Variants in ZNF282 observed in about 807,000 individuals in gnomAD.
ZNF282 encodes zinc finger protein 282.
ZNF282 carries 30 observed loss-of-function variants against 61.9 expected under a neutral mutation model. The ratio of observed to expected loss-of-function variants is 0.48; its 90% CI spans 0.36 to 0.66. ZNF282 has a LOEUF of 0.66. Ranked by LOEUF, ZNF282 falls within the 30% of genes least tolerant of loss-of-function variation. The pLI, the probability that ZNF282 is intolerant of heterozygous loss-of-function variation, is 0.00. For synonymous variants in ZNF282, 396 were observed against 405.0 expected (o/e 0.98, Z 0.27); for missense variants, 788 against 941.4 (o/e 0.84, Z 2.13).
intron 6 of ZNF282, 67 bp downstream of exon 6, chr7:149,212,538 T>C (rs1243195053): frequency 1.6e-6 from 2 of 1,263,244 alleles, no homozygotes; most frequent in African/African-American, 3.0e-5. Flanking sequence ...ATTAAATTAA[T>C]AATTTATTGT....
At chr7:149,211,182 C>T (rs1353781596) in intron 5 of ZNF282, among the ~76,000 whole-genome samples, 2 of 152,250 alleles carry the variant, frequency 1.3e-5, no homozygotes, top group Non-Finnish European at 2.9e-5. Context: ...GGCATTGCAG[C>T]TGGACTCTGT....
intron 7 of ZNF282, among the ~76,000 whole-genome samples, chr7:149,218,680 C>T (rs1796194561): frequency 6.6e-6 from 1 of 152,176 alleles, no homozygotes; most frequent in Non-Finnish European, 1.5e-5. Flanking sequence ...CAGGACCGTT[C>T]TCTCTTCAGA....
intron 4 of ZNF282, among the ~76,000 whole-genome samples, chr7:149,208,989 C>G (rs1289637987): frequency 8.8e-6 from 1 of 113,992 alleles, no homozygotes; most frequent in African/African-American, 3.2e-5. Flanking sequence ...TCACCGCACT[C>G]CAGCCTGGGC....
chr7:149,206,764 G>A lies in ZNF282; in HGVS notation c.654G>A (p.Trp218Ter). Residue 218 changes from tryptophan to a stop codon, truncating the protein, a stop_gained, in exon 3 of 8, where the codon TGG becomes TGA. Transcript: ENST00000610704. LOFTEE classifies it high-confidence loss of function. ...SEDEWKNLDE[W>*]QKELYNNLVK... ...ACGAGTGGAAGAACTTGGACGAATGGCAGAAGGAGCTTTATAACAACCTTG... is the reference window on the plus strand; with the variant it reads ...ACGAGTGGAAGAACTTGGACGAATGACAGAAGGAGCTTTATAACAACCTTG... 1 of 1,614,200 alleles carries A rather than the reference G, an allele frequency of 6.2e-7. No homozygotes were observed. The highest frequency in any genetic ancestry group is 8.5e-7 in the Non-Finnish European group (1 of 1,180,040).
At chr7:149,214,524 T>C (rs1796133859) in intron 7 of ZNF282, among the ~76,000 whole-genome samples, 1 of 151,980 alleles carries the variant, frequency 6.6e-6, no homozygotes, top group East Asian at 1.9e-4. Context: ...AGCAGGTGGC[T>C]CACATGCTGG....
intron 2 of ZNF282, among the ~76,000 whole-genome samples, chr7:149,202,687 G>C (rs1463053487): frequency 1.3e-5 from 2 of 151,698 alleles, no homozygotes; most frequent in African/African-American, 4.8e-5. Flanking sequence ...CTGACCTCAA[G>C]TGATCCATCC....
At chr7:149,204,406 T>C (rs1394215016) in intron 2 of ZNF282, among the ~76,000 whole-genome samples, 2 of 152,078 alleles carry the variant, frequency 1.3e-5, no homozygotes, top group African/African-American at 4.8e-5. Context: ...TCTCTTGGGA[T>C]GTTCCCAGTG....
At chr7:149,201,480 C>T (rs554835338) in intron 2 of ZNF282, among the ~76,000 whole-genome samples, 9 of 152,080 alleles carry the variant, frequency 5.9e-5, no homozygotes, top group Non-Finnish European at 8.8e-5. Flanking sequence ...TGGCTGGGCA[C>T]GGTGGCTCAC....
intron 2 of ZNF282, among the ~76,000 whole-genome samples, chr7:149,201,481 G>A (rs527720116): frequency 4.6e-5 from 7 of 152,190 alleles, no homozygotes; most frequent in East Asian, 1.9e-4. Flanking sequence ...GGCTGGGCAC[G>A]GTGGCTCACG....
intron 2 of ZNF282, among the ~76,000 whole-genome samples, chr7:149,201,805 A>G (rs972454150): frequency 6.6e-6 from 1 of 152,100 alleles, no homozygotes; most frequent in African/African-American, 2.4e-5. Context: ...TTAGAATAAA[A>G]GCCCATGTCT....
rs375032883 is a variant in ZNF282 at position 149,212,468 on chromosome 7, T to C, written c.1063T>C (p.Ser355Pro). Residue 355 changes from serine (S) to proline (P), a missense_variant, in exon 6 of 8, where the codon TCA becomes CCA. This residue lies in a region of ZNF282 where 559 missense variants were observed against 642.0 expected (regional missense o/e 0.87). Transcript: ENST00000610704. The stretch of plus-strand genomic sequence containing the variant: ...CAGAGATATTCCCACGGATCCCAAT[T>C]CAGGTGAGAACAAGGTCAGAATGAA... ...ADRDIPTDPN[S>P]ESLISAHDIL... The C allele has an allele frequency of 6.2e-7, 1 of 1,609,272 alleles. No homozygotes were observed. The highest frequency in any genetic ancestry group is 8.5e-7 in the Non-Finnish European group (1 of 1,177,130).
rs150375355 is a variant in ZNF282 at position 149,204,992 on chromosome 7, G to A, written c.586-1704G>A. Among the ~76,000 whole-genome samples the A allele has an allele frequency of 3.6e-3, 545 of 152,294 alleles. 3 individuals carry two copies. The highest frequency in any genetic ancestry group is 5.6e-3 in the Non-Finnish European group (380 of 68,036). On this transcript the variant is annotated intron_variant, in intron 2 of 7. Coordinates refer to ENST00000610704, the MANE Select transcript of ZNF282 (RefSeq NM_003575.4). ...ACAACAAAAAAATTAGCCAGGCGTG[G>A]TGGCACACACCTATAGTCCCAGCTA...
At chr7:149,207,039 C>T (rs192206721) in intron 3 of ZNF282, among the ~76,000 whole-genome samples, 8 of 152,160 alleles carry the variant, frequency 5.3e-5, no homozygotes, top group Admixed American at 2.0e-4. Flanking sequence ...TAGAACTCAA[C>T]GTTACACCAC....
At chr7:149,220,382 A>G (rs1796224816) in intron 7 of ZNF282, among the ~76,000 whole-genome samples, 2 of 152,202 alleles carry the variant, frequency 1.3e-5, no homozygotes, top group African/African-American at 4.8e-5. Context: ...ACTGCACTCC[A>G]GCCTGCGCAA....
At position 149,223,912 on chromosome 7, in the gene ZNF282, C is replaced by T; in HGVS notation, c.1281C>T (p.Pro427=). ...PQPQLQSQPQ[P]QSLPPIAVAE... The stretch of plus-strand genomic sequence containing the variant: ...CGCAGCTGCAGTCGCAGCCCCAGCC[C>T]CAGAGCCTGCCCCCCATCGCGGTGG... Residue 427 remains proline (P), a synonymous_variant, in exon 8 of 8, where the codon CCC becomes CCT. Transcript: ENST00000610704. 1.5e-6 allele frequency: 2 copies of T among 1,371,930 alleles called. No individual in the cohort carries two copies. Among genetic ancestry groups the T allele is most frequent in the Non-Finnish European group, 1.9e-6 (2 of 1,066,274 alleles). The allele number at this position is 1,371,930 out of a possible 1,614,324, so 85.0% of individuals were successfully genotyped here. A position where few individuals can be genotyped will look rare whatever the true frequency, so the allele number is the denominator to read the frequency against.
At position 149,224,184 on chromosome 7, in the gene ZNF282, A is replaced by G. The variant is rs1169389324; in HGVS notation, c.1553A>G (p.Tyr518Cys). ...LLLHGARSKP[Y>C]SCPECGKSFG... ...CTGCACGGCGCCCGCAGCAAGCCCTACTCGTGCCCCGAGTGCGGCAAGAGC... is the reference window on the plus strand; with the variant it reads ...CTGCACGGCGCCCGCAGCAAGCCCTGCTCGTGCCCCGAGTGCGGCAAGAGC... Residue 518 changes from tyrosine to cysteine, a missense_variant, in exon 8 of 8, where the codon TAC becomes TGC. Around this residue, in one of 3 missense-constraint regions of ZNF282, gnomAD observed 559 missense variants for 642.0 expected, o/e 0.87. Transcript: ENST00000610704. 1.2e-6 allele frequency: 2 copies of G among 1,602,494 alleles called. No individual in the cohort carries two copies. The highest frequency in any genetic ancestry group is 1.7e-6 in the Non-Finnish European group (2 of 1,178,972).
chr7:149,221,619 C>G (rs1251299945), intron 7 of ZNF282, among the ~76,000 whole-genome samples: 1 of 152,116 alleles, frequency 6.6e-6, no homozygotes, highest in Non-Finnish European at 1.5e-5. Flanking sequence ...CAGCGATCTC[C>G]CGGGATTCTC....
Position 149,223,990 on chromosome 7 carries a change from G to C in ZNF282, c.1359G>C (p.Gln453His), listed in dbSNP as rs1796310081. 8 of 1,263,942 alleles carry C rather than the reference G, an allele frequency of 6.3e-6. No homozygotes were observed. The highest frequency in any genetic ancestry group is 1.6e-5 in the African/African-American group (1 of 64,000). The allele number at this position is 1,263,942 out of a possible 1,614,324, so 78.3% of individuals were successfully genotyped here. The change falls in exon 8 of 8, where the codon CAG (glutamine) becomes CAC (histidine). Residue 453 changes from glutamine to histidine, a missense_variant. Coordinates refer to ENST00000610704, the MANE Select transcript of ZNF282 (RefSeq NM_003575.4). Reference sequence around the variant, plus strand: ...GAGGGCTGCTGGACGACGGTTTCCAGGTGCTGCCCGGGGAGCGTGGCTCCG... The same window carrying C: ...GAGGGCTGCTGGACGACGGTTTCCACGTGCTGCCCGGGGAGCGTGGCTCCG... ...PSRGLLDDGF[Q>H]VLPGERGSGE... is the part of the protein sequence containing the mutation.
chr7:149,203,052 G>C (rs189939659), intron 2 of ZNF282, among the ~76,000 whole-genome samples: 2 of 152,156 alleles, frequency 1.3e-5, no homozygotes, highest in African/African-American at 4.8e-5. Context: ...AGTTGTAATC[G>C]TGGCTCTGGT....
Sources: allele counts gnomAD v4.1 joint callset (sites outside exome capture counted in the v4.1 genomes callset), GRCh38; gene constraint gnomAD v4.1.1; regional missense constraint gnomAD v4.1.1; transcripts MANE v1.5; gene names NCBI Gene and HGNC (gene_info 2026-07-23, HGNC 2026-07-21).